GCM2: variants seen among roughly 807,000 people sequenced by gnomAD.
The protein encoded by GCM2 is GCM transcription factor 2.
In GCM2, 21 loss-of-function variants were observed where a neutral mutation model predicts 24.8. The observed-to-expected ratio is 0.85, with a 90% CI of 0.60 to 1.22. GCM2 has a LOEUF of 1.22. Ranked by LOEUF, GCM2 falls within the 50% of genes most tolerant of loss-of-function variation. The probability of loss-of-function intolerance (pLI) is 0.00; values close to 1 mark genes in which losing one functional copy is unlikely to be tolerated. For synonymous variants in GCM2, 222 were observed against 238.0 expected, an observed-to-expected ratio of 0.93 and a Z score of 0.62; for missense variants, 532 against 645.6, an observed-to-expected ratio of 0.82 and a Z score of 1.91.
At chr6:10,881,583 TGTGTGTGTGTGTG>T in intron 1 of GCM2, 108 bp downstream of exon 1, 4 of 685,034 alleles carry the variant, frequency 5.8e-6, no homozygotes, top group South Asian at 1.6e-5. Context: ...TGTGTGTGTG[TGTGTGTGTGTGTG>T]TGTGTGTGTG....
chr6:10,874,730 T>G lies in GCM2; in HGVS notation c.786A>C (p.Ser262=), dbSNP rs201892176. The G allele has an allele frequency of 1.3e-5, 21 of 1,614,040 alleles. No individual in the cohort carries two copies. The African/African-American group carries it at 2.7e-4, about 21-fold the overall frequency. ...GDKMPPFQKY[S]SPRIYLPRPP... is the part of the protein sequence containing the mutation. ...GCCTAGGCAAATAGATTCTTGGGCT[T>G]GAGTATTTCTGGAAGGGTGGCATTT... Residue 262 remains serine (S), a synonymous_variant, in exon 5 of 5, where the codon TCA becomes TCC. Coordinates refer to ENST00000379491, the MANE Select transcript of GCM2 (RefSeq NM_004752.4).
intron 1 of GCM2, among the ~76,000 whole-genome samples, chr6:10,881,036 G>C (rs1423737203): frequency 6.6e-6 from 1 of 152,228 alleles, no homozygotes; most frequent in Non-Finnish European, 1.5e-5. Context: ...GAAGTGAAAG[G>C]ACAGGCGTCC....
rs886060976 is a variant in GCM2 at position 10,873,278 on chromosome 6, G to A, written c.*717C>T. ...TCTGAAACCTAATCAGAAAAAAAAT[G>A]TATTTAGTACAATGGTAATCCATTA... On this transcript the variant is annotated 3_prime_UTR_variant, in exon 5 of 5. Coordinates refer to ENST00000379491, the MANE Select transcript of GCM2 (RefSeq NM_004752.4). The A allele has an allele frequency of 6.6e-6, 1 of 152,120 alleles. No homozygotes were observed. Among genetic ancestry groups the A allele is most frequent in the Non-Finnish European group, 1.5e-5 (1 of 68,028 alleles). The allele number at this position is 152,120 out of a possible 1,614,324, so 9.4% of individuals were successfully genotyped here. A position where few individuals can be genotyped will look rare whatever the true frequency, so the allele number is the denominator to read the frequency against.
In GCM2 at chr6:10,873,300, A is replaced by G. The variant is rs1779828475; in HGVS notation, c.*695T>C. On this transcript the variant is annotated 3_prime_UTR_variant, in exon 5 of 5. Transcript: ENST00000379491. ...AATGTATTTAGTACAATGGTAATCC[A>G]TTAAATACAACTCATCATTGTTAGG... is the stretch of plus-strand genomic sequence containing the variant. 6.5e-6 allele frequency: 1 copy of G among 152,728 alleles called. No individual in the cohort carries two copies. Among genetic ancestry groups the G allele is most frequent in the African/African-American group, 2.4e-5 (1 of 41,468 alleles). The allele number at this position is 152,728 out of a possible 1,614,324, so 9.5% of individuals were successfully genotyped here. A position where few individuals can be genotyped will look rare whatever the true frequency, so the allele number is the denominator to read the frequency against.
Position 10,874,578 on chromosome 6 carries a change from T to C in GCM2, c.938A>G (p.Asn313Ser), listed in dbSNP as rs1779850419. 1.2e-6 allele frequency: 2 copies of C among 1,613,052 alleles called. No homozygotes were observed. The highest frequency in any genetic ancestry group is 1.7e-5 in the Admixed American group (1 of 60,022). ...CTCATAGCTGCTGTATGAATTGACA[T>C]TACATTGTAGTGTGTTCAGATGAAC... is the stretch of plus-strand genomic sequence containing the variant. ...DWVHLNTLQC[N>S]VNSYSSYERS... The change falls in exon 5 of 5, where the codon AAT becomes AGT. Residue 313 changes from asparagine (N) to serine (S), a missense_variant. By Grantham distance (46) the Asn-to-Ser change is conservative. Transcript: ENST00000379491.
At position 10,874,152 on chromosome 6, in the gene GCM2, C is replaced by G; in HGVS notation, c.1364G>C (p.Arg455Pro). 6.2e-7 allele frequency: 1 copy of G among 1,614,180 alleles called. No individual in the cohort carries two copies. ...AATAGCCACAGTGGGTCTGATGGCC[C>G]GGCAATCTCCTGCAATTTTCATAGG... ...PPPMKIAGDC[R>P]AIRPTVAIPH... Residue 455 changes from arginine (R) to proline (P), a missense_variant, in exon 5 of 5, where the codon CGG (arginine) becomes CCG (proline). Arg to Pro is a moderately radical substitution (Grantham distance 103). Around this residue, in one of 3 missense-constraint regions of GCM2, gnomAD observed 434 missense variants for 521.9 expected, o/e 0.83. Coordinates refer to ENST00000379491, the MANE Select transcript of GCM2 (RefSeq NM_004752.4).
Position 10,881,906 on chromosome 6 carries a change from G to A in GCM2, c.-113C>T. On this transcript the variant is annotated 5_prime_UTR_variant, in exon 1 of 5. Transcript: ENST00000379491. The stretch of plus-strand genomic sequence containing the variant: ...CTTTAAAGAAGAAAGTGGGGTGTGT[G>A]AAGGGGAGGTGCAGAGAGAGAGAAA... 5.1e-6 allele frequency: 4 copies of A among 788,576 alleles called. No individual in the cohort carries two copies. Among genetic ancestry groups the A allele is most frequent in the Non-Finnish European group, 8.6e-6 (4 of 464,036 alleles). 48.8% of individuals were successfully genotyped at this position (788,576 alleles called of 1,614,324 possible).
chr6:10,877,117 T>A, intron 2 of GCM2, 23 bp downstream of exon 2: 1 of 1,608,308 alleles, frequency 6.2e-7, no homozygotes, highest in Non-Finnish European at 8.5e-7. Context: ...AAGGTCACCC[T>A]CTCCCTGGCC....
chr6:10,874,061 C>A lies in GCM2; in HGVS notation c.1455G>T (p.Leu485=), dbSNP rs750714208. 3.1e-6 allele frequency: 5 copies of A among 1,614,070 alleles called. No individual in the cohort carries two copies. The highest frequency in any genetic ancestry group is 3.3e-5 in the Admixed American group (2 of 59,992). The change falls in exon 5 of 5, where the codon CTG becomes CTT. Residue 485 remains leucine, a synonymous_variant. Coordinates refer to ENST00000379491, the MANE Select transcript of GCM2 (RefSeq NM_004752.4). The part of the protein sequence containing the change: ...AETWDVCLSG[L]GSAVSYSDRV... ...TGTCTGAGTAACTGACTGCGGAGCC[C>A]AGCCCAGACAGACACACATCCCAAG...
rs200765077 is a variant in GCM2 at position 10,874,575 on chromosome 6, A to C, written c.941T>G (p.Val314Gly). 57 of 1,614,186 alleles carry C rather than the reference A, an allele frequency of 3.5e-5. No individual in the cohort carries two copies. In the East Asian group the frequency reaches 1.3e-3, roughly 36 times the overall value. The change falls in exon 5 of 5, where the codon GTC becomes GGC. Residue 314 changes from valine (V) to glycine (G), a missense_variant. Transcript: ENST00000379491. ...WVHLNTLQCN[V>G]NSYSSYERSF... ...TCTCTCATAGCTGCTGTATGAATTG[A>C]CATTACATTGTAGTGTGTTCAGATG...
chr6:10,874,222 G>A lies in GCM2; in HGVS notation c.1294C>T (p.Pro432Ser), dbSNP rs1443437817. The part of the protein sequence containing the change: ...GMSVYPEPWG[P>S]PVTVTRAASP... ...GCTGCCCTGGTGACTGTCACCGGAG[G>A]ACCCCAGGGTTCTGGATAGACAGAC... The change falls in exon 5 of 5, where the codon CCT (proline) becomes TCT (serine). Residue 432 changes from proline to serine, a missense_variant. Physicochemically the swap from Pro to Ser is moderately conservative, Grantham distance 74. Transcript: ENST00000379491. 1.8e-5 allele frequency: 29 copies of A among 1,614,166 alleles called. No homozygotes were observed. The highest frequency in any genetic ancestry group is 2.5e-5 in the Non-Finnish European group (29 of 1,179,992).
At position 10,881,725 on chromosome 6, in the gene GCM2, G is replaced by C. The variant is rs1779962121; in HGVS notation, c.69C>G (p.Ile23Met). ...CSYGMQLSWD[I>M]NDPQMPQELA... ...TTACCTGAGGCATCTGCGGATCGTT[G>C]ATGTCCCAGCTGAGCTGCATCCCGT... is the stretch of plus-strand genomic sequence containing the variant. Residue 23 changes from isoleucine (I) to methionine (M), a missense_variant, in exon 1 of 5, where the codon ATC (isoleucine) becomes ATG (methionine). This residue lies in a region of GCM2 where 96 missense variants were observed against 103.5 expected (regional missense o/e 0.93). Transcript: ENST00000379491. 4.3e-6 allele frequency: 7 copies of C among 1,611,830 alleles called. No individual in the cohort carries two copies. Among genetic ancestry groups the C allele is most frequent in the Non-Finnish European group, 5.9e-6 (7 of 1,179,866 alleles).
At chr6:10,879,079 G>C (rs1055313368) in intron 1 of GCM2, among the ~76,000 whole-genome samples, 1 of 152,094 alleles carries the variant, frequency 6.6e-6, no homozygotes, top group Non-Finnish European at 1.5e-5. Context: ...AAATTACAAA[G>C]ATATTGTTGA....
chr6:10,874,364 G>A lies in GCM2; in HGVS notation c.1152C>T (p.Thr384=). 1 of 1,614,130 alleles carries A rather than the reference G, an allele frequency of 6.2e-7. No homozygotes were observed. Among genetic ancestry groups the A allele is most frequent in the Non-Finnish European group, 8.5e-7 (1 of 1,179,974 alleles). The change falls in exon 5 of 5, where the codon ACC becomes ACT. Residue 384 remains threonine, a synonymous_variant. Coordinates refer to ENST00000379491, the MANE Select transcript of GCM2 (RefSeq NM_004752.4). ...PGAPALQTVI[T]TTTKVSYQAY... ...CCTGGTAGGACACTTTAGTGGTGGT[G>A]GTGATCACGGTTTGTAGGGCAGGGG...
At position 10,881,625 on chromosome 6, in the gene GCM2, T is replaced by A. The variant is rs1336888621; in HGVS notation, c.90+79A>T. The A allele has an allele frequency of 4.5e-6, 4 of 884,452 alleles. No homozygotes were observed. The African/African-American group carries it at 6.8e-5, about 15-fold the overall frequency. 54.8% of individuals were successfully genotyped at this position (884,452 alleles called of 1,614,324 possible). ...GTGTGTGTATGGTCCGTCCGCAGAC[T>A]CTTCAAGAACTCGAATGCCATTCTC... On this transcript the variant is annotated intron_variant, in intron 1 of 4. Coordinates refer to ENST00000379491, the MANE Select transcript of GCM2 (RefSeq NM_004752.4).
chr6:10,880,451 T>C (rs1277280984), intron 1 of GCM2, among the ~76,000 whole-genome samples: 1 of 152,146 alleles, frequency 6.6e-6, no homozygotes, highest in African/African-American at 2.4e-5. Flanking sequence ...ATGACCCATC[T>C]CTTTTATCCC....
chr6:10,876,670 C>G lies in GCM2; in HGVS notation c.344-113G>C, dbSNP rs572474783. The G allele has an allele frequency of 6.7e-4, 514 of 762,928 alleles. 1 individual carries two copies. Among genetic ancestry groups the G allele is most frequent in the Non-Finnish European group, 1.1e-3 (472 of 438,194 alleles). 47.3% of individuals were successfully genotyped at this position (762,928 alleles called of 1,614,324 possible). ...CATGCTCGGGCGCGGTGGCTCACGC[C>G]TGTAATCCCAGCACTTTGGGAGGCC... On this transcript the variant is annotated intron_variant, in intron 2 of 4. Coordinates refer to ENST00000379491, the MANE Select transcript of GCM2 (RefSeq NM_004752.4).
Position 10,875,828 on chromosome 6 carries a change from C to T in GCM2, c.582+63G>A, listed in dbSNP as rs577777681. Reference sequence around the variant, plus strand: ...CGTATGACCTTCATATTTTGCATAACGATCAGCGTATCTTGGGATGAAAAT... The same window carrying T: ...CGTATGACCTTCATATTTTGCATAATGATCAGCGTATCTTGGGATGAAAAT... On this transcript the variant is annotated intron_variant, in intron 4 of 4. Coordinates refer to ENST00000379491, the MANE Select transcript of GCM2 (RefSeq NM_004752.4). 7.0e-5 allele frequency: 108 copies of T among 1,534,340 alleles called. No individual in the cohort carries two copies. The South Asian group carries it at 7.1e-4, about 10-fold the overall frequency.
Position 10,877,295 on chromosome 6 carries a change from C to A in GCM2, c.188G>T (p.Gly63Val). 2 of 1,614,214 alleles carry A rather than the reference C, an allele frequency of 1.2e-6. No individual in the cohort carries two copies. Among genetic ancestry groups the A allele is most frequent in the South Asian group, 1.1e-5 (1 of 91,090 alleles). ...GTTGTTGGTGTTGCGCATGGCCCAG[C>A]CGCTCAGGTGACGCTGTGCCTTCTT... Reference protein sequence around the residue: ...DEKKAQRHLSGWAMRNTNNHN... With the variant: ...DEKKAQRHLSVWAMRNTNNHN... Residue 63 changes from glycine to valine, a missense_variant, in exon 2 of 5, where the codon GGC becomes GTC. By Grantham distance (109) the Gly-to-Val change is moderately radical (BLOSUM62 -3). Transcript: ENST00000379491.
Sources: gnomAD v4.1 joint callset for allele counts (sites outside exome capture counted in the v4.1 genomes callset) on GRCh38, gnomAD v4.1.1 for gene constraint, gnomAD v4.1.1 regional missense constraint, MANE v1.5 for transcripts, NCBI Gene and HGNC (gene_info 2026-07-23, HGNC 2026-07-21) for gene names.